TBC1D5: variants seen among roughly 807,000 people sequenced by gnomAD.
The protein encoded by TBC1D5 is TBC1 domain family, member 5.
Under a neutral mutation model 100.3 loss-of-function variants are expected in TBC1D5, and 75 were observed. The ratio of observed to expected loss-of-function variants is 0.75; its 90% CI spans 0.62 to 0.91. The LOEUF (loss-of-function observed/expected upper bound fraction) is 0.91. Ranked by LOEUF, TBC1D5 falls within the 40% of genes least tolerant of loss-of-function variation. The pLI is 0.00. For missense variants in TBC1D5, 910 were observed against 942.4 expected (o/e 0.97, Z 0.45); for synonymous variants, 323 against 325.6 (o/e 0.99, Z 0.09).
chr3:17,239,563 T>C (rs1158381139), intron 16 of TBC1D5, among the ~76,000 whole-genome samples: 1 of 152,200 alleles, frequency 6.6e-6, no homozygotes, highest in Non-Finnish European at 1.5e-5. Flanking sequence ...CTGTGGCCTA[T>C]TTGCCATTGC....
intron 13 of TBC1D5, among the ~76,000 whole-genome samples, chr3:17,354,011 A>G (rs2090932086): frequency 6.6e-6 from 1 of 152,132 alleles, no homozygotes; most frequent in African/African-American, 2.4e-5. Flanking sequence ...TTTTTCATCT[A>G]AAATAACAAA....
At chr3:17,400,793 T>C (rs986894580) in intron 8 of TBC1D5, among the ~76,000 whole-genome samples, 2 of 152,144 alleles carry the variant, frequency 1.3e-5, no homozygotes, top group African/African-American at 4.8e-5. Context: ...AGCCTTCATC[T>C]TTCTCCCACG....
chr3:17,621,006 A>G (rs564169150), intron 2 of TBC1D5, among the ~76,000 whole-genome samples: 48 of 152,314 alleles, frequency 3.2e-4, no homozygotes, highest in Middle Eastern at 3.4e-3. Flanking sequence ...TATATGATTA[A>G]CCAATCTTGA....
At chr3:17,673,745 A>T (rs897041527) in intron 1 of TBC1D5, among the ~76,000 whole-genome samples, 1 of 152,198 alleles carries the variant, frequency 6.6e-6, no homozygotes, top group African/African-American at 2.4e-5. Context: ...TGGTTTGGCC[A>T]GTCTTCATAT....
intron 1 of TBC1D5, among the ~76,000 whole-genome samples, chr3:17,731,504 CAAA>C (rs11306215): frequency 6.6e-5 from 6 of 90,802 alleles, no homozygotes; most frequent in Non-Finnish European, 2.2e-5. Context: ...GACTCTGTCT[CAAA>C]AAAAAAAAAA....
chr3:17,179,950 C>T (rs1223375500), intron 19 of TBC1D5, among the ~76,000 whole-genome samples: 1 of 152,122 alleles, frequency 6.6e-6, no homozygotes, highest in African/African-American at 2.4e-5. Flanking sequence ...GCAGCTCAGC[C>T]CAGCTGCTCA....
intron 2 of TBC1D5, among the ~76,000 whole-genome samples, chr3:17,514,586 A>C (rs1170539486): frequency 2.0e-5 from 3 of 152,148 alleles, no homozygotes; most frequent in Non-Finnish European, 1.5e-5. Flanking sequence ...CTAGACTCAT[A>C]AACAATATAC....
chr3:17,665,215 G>A lies in TBC1D5; in HGVS notation c.-100-41302C>T, dbSNP rs543019544. On this transcript the variant is annotated intron_variant, in intron 1 of 21. Transcript: ENST00000253692. ...CTTCCTTAATCTTGAGAGGTGAGAA[G>A]CAGCCTCCTACTTAACCTAGAAAGG... 5.3e-4 allele frequency among the ~76,000 whole-genome samples: 81 copies of A among 152,196 alleles called. 3 individuals are homozygous for A. In the South Asian group the frequency reaches 8.1e-3, roughly 15 times the overall value.
intron 2 of TBC1D5, among the ~76,000 whole-genome samples, chr3:17,615,556 A>G (rs1426424260): frequency 5.9e-5 from 9 of 152,062 alleles, no homozygotes; most frequent in Non-Finnish European, 1.3e-4. Flanking sequence ...TATTGCCTCA[A>G]TTTCAGAGCC....
intron 18 of TBC1D5, among the ~76,000 whole-genome samples, chr3:17,196,733 T>C (rs957411535): frequency 6.6e-6 from 1 of 152,242 alleles, no homozygotes; most frequent in Non-Finnish European, 1.5e-5. Flanking sequence ...GGTTTGTTAC[T>C]TGAGAACAAG....
At chr3:17,688,384 TCATTA>T (rs1339700653) in intron 1 of TBC1D5, among the ~76,000 whole-genome samples, 1 of 152,188 alleles carries the variant, frequency 6.6e-6, no homozygotes, top group Admixed American at 6.5e-5. Flanking sequence ...TCCATACATT[TCATTA>T]ATTTCTAGTT....
intron 3 of TBC1D5, among the ~76,000 whole-genome samples, chr3:17,429,223 T>C (rs2094402806): frequency 6.6e-6 from 1 of 151,910 alleles, no homozygotes; most frequent in Admixed American, 6.6e-5. Flanking sequence ...ATTATACATA[T>C]CAATTTAAAG....
At chr3:17,160,905 G>A (rs2065961829) in exon 22 of TBC1D5, 2 of 1,560,892 alleles carry the variant, frequency 1.3e-6, no homozygotes, top group Admixed American at 3.7e-5. Flanking sequence ...GCCTCAGTCT[G>A]GCCTTGGGGC....
intron 1 of TBC1D5, among the ~76,000 whole-genome samples, chr3:17,635,506 C>A (rs1296376420): frequency 6.6e-6 from 1 of 151,982 alleles, no homozygotes; most frequent in Non-Finnish European, 1.5e-5. Context: ...CATGGAGAAA[C>A]CCCATCTCTA....
intron 1 of TBC1D5, among the ~76,000 whole-genome samples, chr3:17,664,474 A>G (rs1005482384): frequency 2.0e-5 from 3 of 152,254 alleles, no homozygotes; most frequent in African/African-American, 7.2e-5. Flanking sequence ...AACACTGAAT[A>G]TTCAATTGCA....
intron 18 of TBC1D5, among the ~76,000 whole-genome samples, chr3:17,202,375 T>C (rs1361702353): frequency 6.6e-6 from 1 of 152,176 alleles, no homozygotes; most frequent in Non-Finnish European, 1.5e-5. Context: ...AACTGGAACT[T>C]ATACAACAGG....
chr3:17,284,603 T>C (rs1446205137), intron 15 of TBC1D5, among the ~76,000 whole-genome samples: 2 of 152,326 alleles, frequency 1.3e-5, no homozygotes, highest in East Asian at 3.9e-4. Flanking sequence ...CAAAATACTA[T>C]AAAACTAACT....
intron 13 of TBC1D5, among the ~76,000 whole-genome samples, chr3:17,322,554 A>G (rs114470441): frequency 0.011 from 1,727 of 152,322 alleles, 28 homozygotes; most frequent in African/African-American, 0.039. Flanking sequence ...TGCTTTTGAA[A>G]CCACAGAGCA....
chr3:17,520,627 C>G (rs2096054399), intron 2 of TBC1D5, among the ~76,000 whole-genome samples: 1 of 152,030 alleles, frequency 6.6e-6, no homozygotes, highest in African/African-American at 2.4e-5. Flanking sequence ...CTCCTTCTCT[C>G]AAGGGGCCCA....
Sources: allele counts gnomAD v4.1 joint callset (sites outside exome capture counted in the v4.1 genomes callset), GRCh38; gene constraint gnomAD v4.1.1; transcripts MANE v1.5; gene names NCBI Gene and HGNC (gene_info 2026-07-23, HGNC 2026-07-21).